SLC9C1: variants seen among roughly 807,000 people sequenced by gnomAD.
SLC9C1 encodes the protein sodium/hydrogen exchanger 10.
SLC9C1 carries 97 observed loss-of-function variants against 140.9 expected under a neutral mutation model. The ratio of observed to expected loss-of-function variants is 0.69; its 90% confidence interval spans 0.58 to 0.82. The LOEUF (loss-of-function observed/expected upper bound fraction) is 0.82, where lower values mean the gene tolerates loss of function less well. Ranked by LOEUF, SLC9C1 falls within the 40% of genes least tolerant of loss-of-function variation. The probability of loss-of-function intolerance (pLI) is 0.00; values close to 1 mark genes in which losing one functional copy is unlikely to be tolerated. For missense variants in SLC9C1, 1,340 were observed against 1,389.3 expected (o/e 0.96, Z 0.56); for synonymous variants, 440 against 442.6 (o/e 0.99, Z 0.07).
At chr3:112,247,031 A>T (rs1451593018) in intron 10 of SLC9C1, among the ~76,000 whole-genome samples, 3 of 152,178 alleles carry the variant, frequency 2.0e-5, no homozygotes, top group Admixed American at 1.3e-4. Flanking sequence ...TTAAAATGAA[A>T]ACATCCTGTT....
chr3:112,217,782 A>C (rs1054314084), intron 14 of SLC9C1, among the ~76,000 whole-genome samples: 1 of 152,172 alleles, frequency 6.6e-6, no homozygotes, highest in African/African-American at 2.4e-5. Context: ...TTGGAGATAC[A>C]TGGTTGAAAA....
At chr3:112,204,691 T>C (rs962305986) in intron 16 of SLC9C1, among the ~76,000 whole-genome samples, 1 of 151,962 alleles carries the variant, frequency 6.6e-6, no homozygotes, top group Admixed American at 6.6e-5. Flanking sequence ...AAAAGGCAAA[T>C]TCAGACAAAA....
chr3:112,258,433 TG>T, intron 10 of SLC9C1, among the ~76,000 whole-genome samples: 1 of 152,008 alleles, frequency 6.6e-6, no homozygotes. Context: ...TGGGTTTTTT[TG>T]TTTTTGTTTT....
At chr3:112,256,537 C>G (rs1445465979) in intron 10 of SLC9C1, among the ~76,000 whole-genome samples, 1 of 152,128 alleles carries the variant, frequency 6.6e-6, no homozygotes, top group Non-Finnish European at 1.5e-5. Flanking sequence ...TAAAAACTCT[C>G]AATCTACTAG....
chr3:112,214,545 A>G (rs974741184), intron 15 of SLC9C1, among the ~76,000 whole-genome samples: 9 of 152,230 alleles, frequency 5.9e-5, no homozygotes, highest in Non-Finnish European at 4.4e-5. Context: ...CCAATCCCCT[A>G]GAAATACAAA....
intron 15 of SLC9C1, among the ~76,000 whole-genome samples, chr3:112,214,052 A>T (rs972807799): frequency 4.6e-5 from 7 of 152,220 alleles, no homozygotes; most frequent in African/African-American, 1.7e-4. Flanking sequence ...GGATTAAGAA[A>T]CTCACTCAAA....
chr3:112,283,539 A>G (rs1418546885), intron 2 of SLC9C1, among the ~76,000 whole-genome samples: 1 of 151,872 alleles, frequency 6.6e-6, no homozygotes, highest in Non-Finnish European at 1.5e-5. Flanking sequence ...AGAATTCTGC[A>G]TTAAATTCTT....
chr3:112,275,390 A>C (rs968826793), intron 5 of SLC9C1, among the ~76,000 whole-genome samples: 3 of 152,214 alleles, frequency 2.0e-5, no homozygotes, highest in Non-Finnish European at 4.4e-5. Flanking sequence ...GCTTTATAAC[A>C]TGACATCCAA....
At chr3:112,194,083 C>T (rs750437669) in intron 20 of SLC9C1, among the ~76,000 whole-genome samples, 3 of 152,056 alleles carry the variant, frequency 2.0e-5, no homozygotes, top group Non-Finnish European at 4.4e-5. Context: ...CAGCTTGGCT[C>T]ACAGTAGATG....
chr3:112,244,658 C>A (rs2079230536), intron 10 of SLC9C1, among the ~76,000 whole-genome samples: 1 of 152,190 alleles, frequency 6.6e-6, no homozygotes, highest in South Asian at 2.1e-4. Flanking sequence ...TCAAGTCAGT[C>A]TTGATAGACA....
At chr3:112,272,915 AC>A (rs2080115090) in intron 6 of SLC9C1, among the ~76,000 whole-genome samples, 1 of 152,046 alleles carries the variant, frequency 6.6e-6, no homozygotes, top group African/African-American at 2.4e-5. Context: ...CCACATCAGA[AC>A]CTTTATTCTT....
chr3:112,177,179 G>A (rs750174874), intron 23 of SLC9C1, among the ~76,000 whole-genome samples: 9 of 151,768 alleles, frequency 5.9e-5, no homozygotes, highest in Admixed American at 1.3e-4. Context: ...GCTAATTTTT[G>A]TATTTTTATT....
At chr3:112,276,378 A>G (rs1351897233) in intron 5 of SLC9C1, among the ~76,000 whole-genome samples, 3 of 134,722 alleles carry the variant, frequency 2.2e-5, no homozygotes, top group Non-Finnish European at 3.4e-5. Context: ...ATATATATAT[A>G]TGAAAAAATA....
intron 3 of SLC9C1, among the ~76,000 whole-genome samples, chr3:112,279,589 A>G (rs1487819050): frequency 6.6e-6 from 1 of 152,206 alleles, no homozygotes; most frequent in Non-Finnish European, 1.5e-5. Context: ...AAAACTACAA[A>G]TAATTGGCTA....
chr3:112,161,968 C>T lies in SLC9C1; in HGVS notation c.3364+5253G>A, dbSNP rs62277463. Among the ~76,000 whole-genome samples the T allele has an allele frequency of 4.8e-3, 733 of 152,018 alleles. 1 individual carries two copies. Among genetic ancestry groups the T allele is most frequent in the South Asian group, 0.012 (57 of 4,794 alleles). ...CCTTGAGCAGTGGTTTGTAGTTCTC[C>T]GTGAAGAGGTCCTTCACGTCCCTTG... On this transcript the variant is annotated intron_variant, in intron 26 of 28. Coordinates refer to ENST00000305815, the MANE Select transcript of SLC9C1 (RefSeq NM_183061.3).
chr3:112,235,312 G>C (rs890036262), intron 12 of SLC9C1, among the ~76,000 whole-genome samples: 5 of 143,140 alleles, frequency 3.5e-5, no homozygotes, highest in Non-Finnish European at 7.6e-5. Context: ...TGTGATTTTT[G>C]CACATTGATT....
chr3:112,223,542 A>G (rs893454041), intron 13 of SLC9C1, among the ~76,000 whole-genome samples: 2 of 146,286 alleles, frequency 1.4e-5, no homozygotes, highest in African/African-American at 5.1e-5. Flanking sequence ...GTAAAATTAG[A>G]TACTTTTTGA....
In SLC9C1 at chr3:112,269,931, G is replaced by A. The variant is rs141841950; in HGVS notation, c.760C>T (p.Leu254Phe). 8 of 1,548,948 alleles carry A rather than the reference G, an allele frequency of 5.2e-6. No individual in the cohort carries two copies. The African/African-American group carries it at 8.4e-5, about 16-fold the overall frequency. ...CCTCACTTACAAATATAAAAGATGA[G>A]ATACAGAATTGAAAAGATGAGACTT... ...HISLIFSILYLIFYICELVGM... is the reference protein window; with the variant it reads ...HISLIFSILYFIFYICELVGM... Residue 254 changes from leucine (L) to phenylalanine (F), a missense_variant, in exon 7 of 29, where the codon CTC becomes TTC. Transcript: ENST00000305815.
At chr3:112,206,586 A>C (rs2078056566) in intron 16 of SLC9C1, among the ~76,000 whole-genome samples, 1 of 152,186 alleles carries the variant, frequency 6.6e-6, no homozygotes, top group Non-Finnish European at 1.5e-5. Flanking sequence ...AAGACTTGGA[A>C]CCAACCCAAA....
Sources: gnomAD v4.1 joint callset for allele counts (sites outside exome capture counted in the v4.1 genomes callset) on GRCh38, gnomAD v4.1.1 for gene constraint, MANE v1.5 for transcripts, NCBI Gene and HGNC (gene_info 2026-07-23, HGNC 2026-07-21) for gene names.